CTIF: variants seen among roughly 807,000 people sequenced by gnomAD.
CTIF encodes the protein cap binding complex dependent translation initiation factor, also known as CBP80/20-dependent translation initiation factor.
In CTIF, 21 loss-of-function variants were observed where a neutral mutation model predicts 66.0. The ratio of observed to expected loss-of-function variants is 0.32; its 90% CI spans 0.23 to 0.46. CTIF has a LOEUF of 0.46. Ranked by LOEUF, CTIF falls within the 20% of genes least tolerant of loss-of-function variation. The pLI, the probability that CTIF is intolerant of heterozygous loss-of-function variation, is 1.00. For missense variants in CTIF, 739 were observed against 812.7 expected, an observed-to-expected ratio of 0.91 and a Z score of 1.10; for synonymous variants, 345 against 326.4, an observed-to-expected ratio of 1.06 and a Z score of -0.62.
At chr18:48,771,720 G>C in intron 9 of CTIF, among the ~76,000 whole-genome samples, 1 of 152,180 alleles carries the variant, frequency 6.6e-6, no homozygotes, top group East Asian at 1.9e-4. Context: ...TGGCTGGCTG[G>C]CAGCTCACCC....
At chr18:48,659,735 G>A (rs983251015) in intron 3 of CTIF, among the ~76,000 whole-genome samples, 20 of 152,198 alleles carry the variant, frequency 1.3e-4, no homozygotes, top group African/African-American at 4.8e-4. Context: ...GCAGAGACCT[G>A]TGGGGCAGAG....
intron 1 of CTIF, among the ~76,000 whole-genome samples, chr18:48,592,169 G>A (rs1369636347): frequency 2.6e-5 from 4 of 152,130 alleles, no homozygotes; most frequent in African/African-American, 4.8e-5. Flanking sequence ...AAGCTCTCTA[G>A]CTGCCGAGAG....
intron 7 of CTIF, among the ~76,000 whole-genome samples, chr18:48,733,927 C>A (rs578011523): frequency 1.3e-5 from 2 of 152,232 alleles, no homozygotes; most frequent in South Asian, 4.1e-4. Flanking sequence ...GGAGAATGCT[C>A]GGAGCATTTC....
chr18:48,660,982 AC>A (rs1340892461), intron 3 of CTIF, among the ~76,000 whole-genome samples: 1 of 152,210 alleles, frequency 6.6e-6, no homozygotes, highest in African/African-American at 2.4e-5. Flanking sequence ...ATCATTCTTG[AC>A]ATCCTAATCT....
chr18:48,848,591 C>A (rs2069130997), intron 10 of CTIF, among the ~76,000 whole-genome samples: 1 of 152,222 alleles, frequency 6.6e-6, no homozygotes, highest in Non-Finnish European at 1.5e-5. Flanking sequence ...TTGGGATTGC[C>A]AGTGCTCATC....
At chr18:48,820,354 C>T (rs1256126338) in intron 10 of CTIF, among the ~76,000 whole-genome samples, 3 of 152,270 alleles carry the variant, frequency 2.0e-5, no homozygotes, top group East Asian at 1.9e-4. Flanking sequence ...CAGGTTGAGC[C>T]GGCTTATGGA....
Position 48,749,762 on chromosome 18 carries a change from G to A in CTIF, c.585-8157G>A, listed in dbSNP as rs79488798. Among the ~76,000 whole-genome samples, 670 of 152,336 alleles carry A rather than the reference G, an allele frequency of 4.4e-3. 4 individuals carry two copies. The highest frequency in any genetic ancestry group is 0.015 in the African/African-American group (625 of 41,576). On this transcript the variant is annotated intron_variant, in intron 7 of 11. Coordinates refer to ENST00000256413, the MANE Select transcript of CTIF (RefSeq NM_014772.3). ...AAAGTTGCACAGCTAAAAGTGTAGC[G>A]TCAGGATTTGAACTCTGGGGATCTG...
intron 10 of CTIF, among the ~76,000 whole-genome samples, chr18:48,841,470 C>G (rs1302810783): frequency 3.3e-5 from 5 of 152,228 alleles, no homozygotes; most frequent in Non-Finnish European, 4.4e-5. Flanking sequence ...GTGGTTTAGT[C>G]GCCCCCAGGG....
At chr18:48,639,958 C>T (rs2090897087) in intron 3 of CTIF, among the ~76,000 whole-genome samples, 1 of 152,220 alleles carries the variant, frequency 6.6e-6, no homozygotes, top group South Asian at 2.1e-4. Flanking sequence ...TGGGCGGCTT[C>T]CTTTGAGTGA....
At chr18:48,664,336 C>A in intron 4 of CTIF, 111 bp from the exon 5 acceptor site, 1 of 918,682 alleles carries the variant, frequency 1.1e-6, no homozygotes, top group East Asian at 2.4e-5. Context: ...TGGCCCCTGG[C>A]GGCTCCTTTC....
intron 3 of CTIF, among the ~76,000 whole-genome samples, chr18:48,652,410 T>C (rs2091172663): frequency 6.6e-6 from 1 of 152,118 alleles, no homozygotes; most frequent in African/African-American, 2.4e-5. Context: ...CCTGGACACA[T>C]ACACCCTCCC....
intron 6 of CTIF, among the ~76,000 whole-genome samples, chr18:48,708,888 G>A (rs932795435): frequency 2.6e-5 from 4 of 152,136 alleles, no homozygotes; most frequent in Admixed American, 2.0e-4. Flanking sequence ...TCCAAGGCTG[G>A]GGGCTCCATG....
At chr18:48,545,007 C>T (rs897652839) in intron 1 of CTIF, among the ~76,000 whole-genome samples, 5 of 152,212 alleles carry the variant, frequency 3.3e-5, no homozygotes, top group Non-Finnish European at 5.9e-5. Context: ...GGGGCAGCCA[C>T]CTGCTCCGGC....
intron 1 of CTIF, among the ~76,000 whole-genome samples, chr18:48,546,609 A>G (rs973699061): frequency 1.3e-5 from 2 of 152,222 alleles, no homozygotes; most frequent in Non-Finnish European, 2.9e-5. Context: ...GCTCCAGCTG[A>G]GGCTCGTCTA....
intron 10 of CTIF, among the ~76,000 whole-genome samples, chr18:48,843,572 G>A (rs2146564392): frequency 6.6e-6 from 1 of 152,282 alleles, no homozygotes; most frequent in Non-Finnish European, 1.5e-5. Context: ...CTGAGGCACG[G>A]GGAAGGGAAA....
chr18:48,635,664 A>G (rs1598777240), intron 2 of CTIF, among the ~76,000 whole-genome samples: 1 of 152,132 alleles, frequency 6.6e-6, no homozygotes, highest in Non-Finnish European at 1.5e-5. Context: ...GTTAAGGTCA[A>G]TATTCAACAA....
chr18:48,616,520 T>G (rs557512886), intron 1 of CTIF, among the ~76,000 whole-genome samples: 1 of 152,322 alleles, frequency 6.6e-6, no homozygotes, highest in South Asian at 2.1e-4. Flanking sequence ...GGTATAGGCA[T>G]AGTCGTGCAG....
intron 1 of CTIF, among the ~76,000 whole-genome samples, chr18:48,564,486 CT>C: frequency 6.6e-6 from 1 of 152,220 alleles, no homozygotes; most frequent in East Asian, 1.9e-4. Flanking sequence ...CCTCTTTCAT[CT>C]AATAGTTAAC....
At chr18:48,787,470 G>T (rs1040729399) in intron 9 of CTIF, among the ~76,000 whole-genome samples, 45 of 152,166 alleles carry the variant, frequency 3.0e-4, no homozygotes, top group African/African-American at 1.1e-3. Context: ...TCATCTGCCT[G>T]CAGGTTGCTT....
Sources: gnomAD v4.1 joint callset for allele counts (sites outside exome capture counted in the v4.1 genomes callset) on GRCh38, gnomAD v4.1.1 for gene constraint, MANE v1.5 for transcripts, NCBI Gene and HGNC (gene_info 2026-07-23, HGNC 2026-07-21) for gene names.